EXT2: variants seen among roughly 807,000 people sequenced by gnomAD.
EXT2 encodes the protein exostosin glycosyltransferase 2.
EXT2 carries 53 observed loss-of-function variants against 81.6 expected under a neutral mutation model. The ratio of observed to expected loss-of-function variants is 0.65; its 90% CI spans 0.52 to 0.82. The LOEUF (loss-of-function observed/expected upper bound fraction) is 0.82, where lower values mean the gene tolerates loss of function less well. Among genes scored for constraint, EXT2 ranks in the 40% least tolerant of loss-of-function variants. The pLI is 0.00. For missense variants in EXT2, 774 were observed against 910.2 expected, an observed-to-expected ratio of 0.85 and a Z score of 1.93; for synonymous variants, 320 against 340.0, an observed-to-expected ratio of 0.94 and a Z score of 0.65.
At chr11:44,130,170 G>A (rs1314261409) in intron 7 of EXT2, 32 bp downstream of exon 7, 1 of 1,564,278 alleles carries the variant, frequency 6.4e-7, no homozygotes, top group South Asian at 1.1e-5. Flanking sequence ...AGGTGACATG[G>A]GTGGTACCGA....
chr11:44,109,678 A>T (rs1954115190), intron 3 of EXT2, among the ~76,000 whole-genome samples: 1 of 152,100 alleles, frequency 6.6e-6, no homozygotes, highest in Admixed American at 6.6e-5. Context: ...TGTAGAGGGT[A>T]ATGGGGGCAC....
At position 44,131,594 on chromosome 11, in the gene EXT2, T is replaced by C. The variant is rs560426708; in HGVS notation, c.1173+1456T>C. ...TTAAGTTTCTGGGTTTCCCAATTGT[T>C]ATTTAACCACTGATTTCATCTAAGT... On this transcript the variant is annotated intron_variant, in intron 7 of 13. Transcript: ENST00000533608. Among the ~76,000 whole-genome samples the C allele has an allele frequency of 3.3e-5, 5 of 152,342 alleles. No individual in the cohort carries two copies. In the South Asian group the frequency reaches 1.0e-3, roughly 32 times the overall value.
At chr11:44,157,266 T>G (rs905027612) in intron 7 of EXT2, among the ~76,000 whole-genome samples, 1 of 152,164 alleles carries the variant, frequency 6.6e-6, no homozygotes, top group Non-Finnish European at 1.5e-5. Context: ...CTCCAGGGGC[T>G]CTTCAGTCAG....
chr11:44,111,381 A>T (rs2134976886), intron 3 of EXT2, among the ~76,000 whole-genome samples: 1 of 152,310 alleles, frequency 6.6e-6, no homozygotes, highest in East Asian at 1.9e-4. Context: ...TTCCTGAAAG[A>T]TACTTATATT....
chr11:44,145,364 G>A (rs912108510), intron 7 of EXT2, among the ~76,000 whole-genome samples: 3 of 152,070 alleles, frequency 2.0e-5, no homozygotes, highest in African/African-American at 7.3e-5. Context: ...TATTATTGAT[G>A]ATATTATAAT....
intron 7 of EXT2, among the ~76,000 whole-genome samples, chr11:44,159,654 T>G (rs1331012693): frequency 6.6e-6 from 1 of 152,220 alleles, no homozygotes; most frequent in Non-Finnish European, 1.5e-5. Context: ...GTTTGATGCT[T>G]ACTCAGTCTC....
chr11:44,145,295 A>T (rs188620064), intron 7 of EXT2, among the ~76,000 whole-genome samples: 120 of 152,312 alleles, frequency 7.9e-4, no homozygotes, highest in Non-Finnish European at 1.4e-3. Flanking sequence ...TGCCTTTAGC[A>T]TAGAAAAGGA....
At chr11:44,129,914 T>TA in intron 6 of EXT2, 131 bp from the exon 7 acceptor site, 1 of 741,498 alleles carries the variant, frequency 1.3e-6, no homozygotes, top group Non-Finnish European at 2.4e-6. Flanking sequence ...AGATAATACT[T>TA]ACCGGAAGGG....
At chr11:44,173,730 G>A (rs540537849) in intron 8 of EXT2, among the ~76,000 whole-genome samples, 3 of 151,722 alleles carry the variant, frequency 2.0e-5, no homozygotes, top group Non-Finnish European at 2.9e-5. Context: ...CACCACGTCC[G>A]GCTAATTTTT....
chr11:44,210,317 G>A (rs1003943591), intron 10 of EXT2, among the ~76,000 whole-genome samples: 14 of 152,224 alleles, frequency 9.2e-5, no homozygotes, highest in African/African-American at 3.4e-4. Context: ...TCAGTAATAA[G>A]TAAGAAGTAA....
chr11:44,115,025 G>A (rs1019481773), intron 4 of EXT2, among the ~76,000 whole-genome samples: 2 of 152,102 alleles, frequency 1.3e-5, no homozygotes, highest in Non-Finnish European at 2.9e-5. Flanking sequence ...CTTCTGGGAT[G>A]GGGTGGAGGG....
At position 44,127,053 on chromosome 11, in the gene EXT2, A is replaced by G. The variant is rs1004268812; in HGVS notation, c.1079+98A>G. The stretch of plus-strand genomic sequence containing the variant: ...TTGTAATGTATACCCTGGTTCAAGA[A>G]CTACTACAGATAGTTTTTCTCTATT... On this transcript the variant is annotated intron_variant, in intron 6 of 13. Transcript: ENST00000533608. 6.9e-6 allele frequency: 10 copies of G among 1,442,680 alleles called. No homozygotes were observed. The African/African-American group carries it at 1.4e-4, about 20-fold the overall frequency. 89.4% of individuals were successfully genotyped at this position (1,442,680 alleles called of 1,614,324 possible).
At chr11:44,136,369 CCA>C (rs1954567404) in intron 7 of EXT2, among the ~76,000 whole-genome samples, 1 of 152,222 alleles carries the variant, frequency 6.6e-6, no homozygotes. Context: ...CCTCCCAAGA[CCA>C]CACAGCATGT....
intron 2 of EXT2, 123 bp downstream of exon 2, chr11:44,108,371 C>A: frequency 1.9e-6 from 2 of 1,061,280 alleles, no homozygotes; most frequent in Non-Finnish European, 2.8e-6. Context: ...TGTCTTCTTG[C>A]AGGACGGGGT....
intron 6 of EXT2, among the ~76,000 whole-genome samples, chr11:44,129,717 CA>C (rs1417462537): frequency 6.6e-6 from 1 of 152,180 alleles, no homozygotes; most frequent in Non-Finnish European, 1.5e-5. Flanking sequence ...ATTTCACATG[CA>C]AAGGCCCTCT....
At chr11:44,216,236 C>T (rs1236616661) in intron 10 of EXT2, among the ~76,000 whole-genome samples, 4 of 152,204 alleles carry the variant, frequency 2.6e-5, no homozygotes, top group African/African-American at 9.6e-5. Context: ...AGTGGTTTTA[C>T]TAGGTCTGCT....
chr11:44,236,207 A>G, intron 12 of EXT2, 86 bp from the exon 13 acceptor site: 1 of 1,195,118 alleles, frequency 8.4e-7, no homozygotes. Context: ...AGCTTACAAC[A>G]CAAAAGAATG....
intron 7 of EXT2, among the ~76,000 whole-genome samples, chr11:44,159,726 AG>A (rs1311904275): frequency 2.6e-5 from 4 of 152,090 alleles, no homozygotes; most frequent in African/African-American, 9.7e-5. Context: ...ACTGGGTGAA[AG>A]GAACTCTGGG....
intron 8 of EXT2, among the ~76,000 whole-genome samples, chr11:44,173,807 T>C (rs1232872828): frequency 6.6e-6 from 1 of 152,070 alleles, no homozygotes; most frequent in African/African-American, 2.4e-5. Flanking sequence ...GATCTTGTGA[T>C]CCGCCTGCCT....
Sources: gnomAD v4.1 joint callset for allele counts (sites outside exome capture counted in the v4.1 genomes callset) on GRCh38, gnomAD v4.1.1 for gene constraint, MANE v1.5 for transcripts, NCBI Gene and HGNC (gene_info 2026-07-23, HGNC 2026-07-21) for gene names.